Variants in UVRAG observed in about 807,000 individuals in gnomAD.
The protein encoded by UVRAG is UV radiation resistance-associated gene protein.
In UVRAG, 19 loss-of-function variants were observed where a neutral mutation model predicts 78.0. The ratio of observed to expected loss-of-function variants is 0.24; its 90% CI spans 0.17 to 0.36. The LOEUF is 0.36. UVRAG is among the 10% of genes least tolerant of loss of function. UVRAG has a pLI of 1.00. For missense variants in UVRAG, 740 were observed against 853.8 expected (o/e 0.87, Z 1.66); for synonymous variants, 323 against 324.6 (o/e 1.00, Z 0.05).
chr11:76,116,909 A>G (rs184463658), intron 14 of UVRAG, among the ~76,000 whole-genome samples: 191 of 152,378 alleles, frequency 1.3e-3, no homozygotes, highest in Admixed American at 5.2e-3. Flanking sequence ...CAAAACGGCA[A>G]GTTCCAGATG....
chr11:76,115,647 T>G (rs1220823036), intron 13 of UVRAG, among the ~76,000 whole-genome samples: 1 of 152,166 alleles, frequency 6.6e-6, no homozygotes, highest in Non-Finnish European at 1.5e-5. Flanking sequence ...AGTTGGTCAC[T>G]CTTAGTCTTC....
At chr11:75,918,757 T>C (rs1947914176) in intron 6 of UVRAG, among the ~76,000 whole-genome samples, 1 of 152,206 alleles carries the variant, frequency 6.6e-6, no homozygotes, top group Admixed American at 6.5e-5. Flanking sequence ...TTTCTATTGA[T>C]CAAATTGAAC....
intron 12 of UVRAG, among the ~76,000 whole-genome samples, chr11:76,051,975 C>T (rs1591179195): frequency 2.0e-5 from 3 of 152,156 alleles, no homozygotes; most frequent in Admixed American, 2.0e-4. Flanking sequence ...TCGTCCCTTG[C>T]CATTCCTCCT....
At chr11:76,035,344 T>C (rs1228715389) in intron 12 of UVRAG, among the ~76,000 whole-genome samples, 1 of 152,182 alleles carries the variant, frequency 6.6e-6, no homozygotes, top group Non-Finnish European at 1.5e-5. Context: ...ATTTGGTAAA[T>C]AGCATGTTAT....
chr11:75,819,936 C>T (rs1356899677), intron 1 of UVRAG, among the ~76,000 whole-genome samples: 3 of 152,076 alleles, frequency 2.0e-5, no homozygotes, highest in Admixed American at 1.3e-4. Flanking sequence ...CCATTGTACT[C>T]CAACCTGGGC....
chr11:75,985,594 A>C (rs899165227), intron 8 of UVRAG, among the ~76,000 whole-genome samples: 6 of 152,136 alleles, frequency 3.9e-5, no homozygotes, highest in Non-Finnish European at 7.4e-5. Context: ...TACTTGGAGA[A>C]ATATTTATCT....
At chr11:75,929,353 C>G (rs970397710) in intron 6 of UVRAG, among the ~76,000 whole-genome samples, 1 of 152,102 alleles carries the variant, frequency 6.6e-6, no homozygotes, top group Admixed American at 6.5e-5. Context: ...TCAGTCACCC[C>G]CCTCCATTCT....
chr11:75,969,511 T>C (rs187235942), intron 7 of UVRAG, among the ~76,000 whole-genome samples: 1 of 152,254 alleles, frequency 6.6e-6, no homozygotes, highest in Admixed American at 6.5e-5. Flanking sequence ...TCATAGAAAG[T>C]AGAGACCATT....
chr11:75,890,719 T>C (rs551572606), intron 5 of UVRAG, among the ~76,000 whole-genome samples: 4 of 152,208 alleles, frequency 2.6e-5, no homozygotes, highest in African/African-American at 9.6e-5. Context: ...CAAACAGTCA[T>C]TGGAGTCATA....
At chr11:75,993,496 C>A (rs575312063) in intron 8 of UVRAG, among the ~76,000 whole-genome samples, 12 of 152,208 alleles carry the variant, frequency 7.9e-5, no homozygotes, top group Admixed American at 6.5e-4. Context: ...TTAATAAAAA[C>A]CAGATTTCCC....
At position 76,007,596 on chromosome 11, in the gene UVRAG, T is replaced by G; in HGVS notation, c.974T>G (p.Leu325Arg). Reference sequence around the variant, plus strand: ...CGTTGCAGGCAGTTACTCTCTGAGCTTTCCTACATTTACCCTATTGATTTG... The same window carrying G: ...CGTTGCAGGCAGTTACTCTCTGAGCGTTCCTACATTTACCCTATTGATTTG... Reference protein sequence around the residue: ...TIRCRQLLSELSYIYPIDLNE... With the variant: ...TIRCRQLLSERSYIYPIDLNE... Residue 325 changes from leucine (L) to arginine (R), a missense_variant, in exon 10 of 15, where the codon CTT (leucine) becomes CGT (arginine). Coordinates refer to ENST00000356136, the MANE Select transcript of UVRAG (RefSeq NM_003369.4). The G allele has an allele frequency of 6.2e-7, 1 of 1,613,912 alleles. No individual in the cohort carries two copies. Among genetic ancestry groups the G allele is most frequent in the Non-Finnish European group, 8.5e-7 (1 of 1,179,940 alleles).
chr11:76,141,359 A>C lies in UVRAG; in HGVS notation c.2046A>C (p.Ala682=), dbSNP rs781396462. Reference sequence around the variant, plus strand: ...AAGAGTTCTCCCGAAGGATCTATGCACTGAATGAAAACGTATCCAGCTTCC... The same window carrying C: ...AAGAGTTCTCCCGAAGGATCTATGCCCTGAATGAAAACGTATCCAGCTTCC... ...EFEEFSRRIY[A]LNENVSSFRR... is the part of the protein sequence containing the mutation. Residue 682 remains alanine, a synonymous_variant, in exon 15 of 15, where the codon GCA becomes GCC. Coordinates refer to ENST00000356136, the MANE Select transcript of UVRAG (RefSeq NM_003369.4). 10 of 1,614,084 alleles carry C rather than the reference A, an allele frequency of 6.2e-6. No homozygotes were observed. The Admixed American group carries it at 6.7e-5, about 11-fold the overall frequency.
chr11:76,084,784 A>G (rs1370119542), intron 13 of UVRAG, among the ~76,000 whole-genome samples: 1 of 152,126 alleles, frequency 6.6e-6, no homozygotes, highest in Non-Finnish European at 1.5e-5. Context: ...TGTTCTGGCC[A>G]GTCGCAGTGG....
chr11:75,889,727 T>C (rs576662650), intron 5 of UVRAG, among the ~76,000 whole-genome samples: 1 of 152,214 alleles, frequency 6.6e-6, no homozygotes, highest in Non-Finnish European at 1.5e-5. Context: ...TGTACTGTAC[T>C]CCAAGTGCTA....
intron 7 of UVRAG, among the ~76,000 whole-genome samples, chr11:75,972,023 A>G (rs1328220823): frequency 6.6e-6 from 1 of 151,878 alleles, no homozygotes; most frequent in Non-Finnish European, 1.5e-5. Flanking sequence ...TTGAATTTTA[A>G]GAGCTCTTTG....
At chr11:75,921,138 A>G (rs1205584642) in intron 6 of UVRAG, among the ~76,000 whole-genome samples, 1 of 152,220 alleles carries the variant, frequency 6.6e-6, no homozygotes, top group Non-Finnish European at 1.5e-5. Flanking sequence ...GTATTGTTTC[A>G]ATTGTTAGAG....
At chr11:75,930,964 T>TTTCG (rs1948226317) in intron 6 of UVRAG, 1 of 151,042 alleles carries the variant, frequency 6.6e-6, no homozygotes, top group Non-Finnish European at 1.5e-5. Flanking sequence ...TCTTTCTTTC[T>TTTCG]TTCTTTCTTT....
intron 1 of UVRAG, among the ~76,000 whole-genome samples, chr11:75,832,236 C>T (rs1376203023): frequency 2.0e-5 from 3 of 152,120 alleles, no homozygotes. Flanking sequence ...AATTCTGATG[C>T]TATTTACCCG....
rs145490689 is a variant in UVRAG at position 75,924,233 on chromosome 11, A to G, written c.593+12194A>G. On this transcript the variant is annotated intron_variant, in intron 6 of 14. Coordinates refer to ENST00000356136, the MANE Select transcript of UVRAG (RefSeq NM_003369.4). ...TTTTGAGGAATTTTTTAAATGGTAG[A>G]TTTTTAATTACCTTTCCAAAGATGA... Among the ~76,000 whole-genome samples the G allele has an allele frequency of 4.8e-3, 736 of 152,252 alleles. 4 individuals are homozygous for G. The highest frequency in any genetic ancestry group is 0.016 in the African/African-American group (672 of 41,546).
Sources: gnomAD v4.1 joint callset for allele counts (sites outside exome capture counted in the v4.1 genomes callset) on GRCh38, gnomAD v4.1.1 for gene constraint, MANE v1.5 for transcripts, NCBI Gene and HGNC (gene_info 2026-07-23, HGNC 2026-07-21) for gene names.